MAOB: variants seen among roughly 807,000 people sequenced by gnomAD.
MAOB encodes the protein monoamine oxidase B, also known as amine oxidase [flavin-containing] B.
Under a neutral mutation model 41.9 loss-of-function variants are expected in MAOB, and 15 were observed. The ratio of observed to expected loss-of-function variants is 0.36; its 90% confidence interval spans 0.24 to 0.55. MAOB has a LOEUF of 0.55. MAOB is among the 20% of genes least tolerant of loss of function. MAOB has a pLI of 0.86. For synonymous variants in MAOB, 167 were observed against 144.2 expected, an observed-to-expected ratio of 1.16 and a Z score of -1.13; for missense variants, 345 against 398.7, an observed-to-expected ratio of 0.87 and a Z score of 1.15.
chrX:43,808,872 T>C (rs2034706264), intron 3 of MAOB, among the ~76,000 whole-genome samples: 1 of 110,117 alleles, frequency 9.1e-6, no homozygotes. Context: ...GCCTGGCTAA[T>C]TTTTGTATTT....
At chrX:43,793,360 C>T in intron 8 of MAOB, 59 bp downstream of exon 8, 1 of 967,391 alleles carries the variant, frequency 1.0e-6, no homozygotes. Context: ...AAATGCATGC[C>T]TTAGCAACAA....
intron 3 of MAOB, among the ~76,000 whole-genome samples, chrX:43,818,160 A>G (rs960157557): frequency 2.7e-5 from 3 of 112,487 alleles, no homozygotes; most frequent in African/African-American, 9.7e-5. Flanking sequence ...CACTTAGCAT[A>G]TCTTCAACGT....
intron 12 of MAOB, among the ~76,000 whole-genome samples, chrX:43,770,648 T>C (rs1247782658): frequency 1.8e-5 from 2 of 111,870 alleles, no homozygotes; most frequent in African/African-American, 6.5e-5. Flanking sequence ...TATCTCATTT[T>C]TACATATGAG....
chrX:43,863,560 T>C (rs2035347108), intron 1 of MAOB, among the ~76,000 whole-genome samples: 1 of 111,717 alleles, frequency 9.0e-6, no homozygotes. Flanking sequence ...AATGAACTTA[T>C]AAAAATAATT....
rs780219504 is a variant in MAOB, at chrX:43,795,904, G to A, written c.619-16C>T. The A allele has an allele frequency of 5.0e-6, 6 of 1,197,278 alleles. No homozygotes were observed. The African/African-American group carries it at 1.1e-4, about 21-fold the overall frequency. On this transcript the variant is annotated splice_polypyrimidine_tract_variant and intron_variant, in intron 6 of 14. Transcript: ENST00000378069. ...ATTTCCTCTCCTGGAAAGAGAAAAGGAGGTGAAAGAGAAACGCAGGAATGG... is the reference window on the plus strand; with the variant it reads ...ATTTCCTCTCCTGGAAAGAGAAAAGAAGGTGAAAGAGAAACGCAGGAATGG...
intron 1 of MAOB, among the ~76,000 whole-genome samples, chrX:43,863,161 C>T (rs932259007): frequency 9.0e-6 from 1 of 111,537 alleles, no homozygotes; most frequent in African/African-American, 3.3e-5. Context: ...GAATTATTAC[C>T]TTATGAGTCA....
chrX:43,843,865 C>T (rs2035170202), intron 1 of MAOB, 101 bp from the exon 2 acceptor site: 1 of 1,096,364 alleles, frequency 9.1e-7, no homozygotes, highest in Admixed American at 3.0e-5. Flanking sequence ...GGCTCACGTG[C>T]ACCGCCTATT....
intron 12 of MAOB, among the ~76,000 whole-genome samples, chrX:43,769,902 C>G (rs760727379): frequency 3.2e-4 from 36 of 111,814 alleles, no homozygotes; most frequent in Non-Finnish European, 4.5e-4. Context: ...TAACATTTAA[C>G]AAATCTGAGA....
intron 3 of MAOB, among the ~76,000 whole-genome samples, chrX:43,819,371 G>A (rs926347480): frequency 1.8e-5 from 2 of 111,368 alleles, no homozygotes; most frequent in Admixed American, 9.5e-5. Context: ...CATGAGGATA[G>A]AAAGGCCTGG....
At chrX:43,785,392 T>G (rs1481924487) in intron 8 of MAOB, among the ~76,000 whole-genome samples, 1 of 112,524 alleles carries the variant, frequency 8.9e-6, no homozygotes, top group East Asian at 2.8e-4. Context: ...GCTCTGGATC[T>G]AGGCTTTGGC....
chrX:43,852,290 G>T (rs1160908494), intron 1 of MAOB, among the ~76,000 whole-genome samples: 1 of 111,989 alleles, frequency 8.9e-6, no homozygotes, highest in Non-Finnish European at 1.9e-5. Flanking sequence ...CTTAAAATTT[G>T]GGTGTCACCA....
intron 3 of MAOB, among the ~76,000 whole-genome samples, chrX:43,808,265 A>C (rs2034693794): frequency 8.9e-6 from 1 of 112,355 alleles, no homozygotes; most frequent in Non-Finnish European, 1.9e-5. Context: ...TTTTTGCTTG[A>C]AAATCCATTA....
chrX:43,864,899 G>A (rs2035355477), intron 1 of MAOB, among the ~76,000 whole-genome samples: 1 of 111,690 alleles, frequency 9.0e-6, no homozygotes, highest in Non-Finnish European at 1.9e-5. Flanking sequence ...CCTCTATCCA[G>A]GAGGCAGCAC....
chrX:43,808,633 C>CATCTATATCTAT (rs4071606), intron 3 of MAOB, among the ~76,000 whole-genome samples: 4,320 of 89,116 alleles, frequency 0.048, 132 homozygotes, highest in East Asian at 0.058. Context: ...GCATCCTGCA[C>CATCTATATCTAT]ATCTATATCT....
intron 11 of MAOB, among the ~76,000 whole-genome samples, chrX:43,778,230 G>C (rs2034284569): frequency 9.0e-6 from 1 of 110,892 alleles, no homozygotes; most frequent in African/African-American, 3.3e-5. Flanking sequence ...AGTGGGGGAT[G>C]GGGTAGGTAT....
intron 12 of MAOB, among the ~76,000 whole-genome samples, chrX:43,774,324 G>C (rs2034225050): frequency 9.0e-6 from 1 of 111,702 alleles, no homozygotes; most frequent in African/African-American, 3.3e-5. Context: ...CAACACACTT[G>C]GATGTATAAT....
intron 2 of MAOB, among the ~76,000 whole-genome samples, chrX:43,840,518 A>G (rs1175699466): frequency 9.1e-6 from 1 of 110,135 alleles, no homozygotes; most frequent in Non-Finnish European, 1.9e-5. Context: ...GAATAGGAAC[A>G]GCTCCAGTCT....
In MAOB at chrX:43,866,221, A is replaced by G. The variant is rs141896463; in HGVS notation, c.46+16033T>C. On this transcript the variant is annotated intron_variant, in intron 1 of 14. Coordinates refer to ENST00000378069, the MANE Select transcript of MAOB (RefSeq NM_000898.5). ...TTCCAGGAGAAACGTGTGAAAGGAAATACACCAGGCTGTTAACACAGGTCA... is the reference window on the plus strand; with the variant it reads ...TTCCAGGAGAAACGTGTGAAAGGAAGTACACCAGGCTGTTAACACAGGTCA... Among the ~76,000 whole-genome samples the G allele has an allele frequency of 2.9e-3, 325 of 111,663 alleles. 1 individual carries two copies. The highest frequency in any genetic ancestry group is 9.8e-3 in the African/African-American group (301 of 30,711).
intron 1 of MAOB, among the ~76,000 whole-genome samples, chrX:43,868,855 T>TTGTGTGTGTG (rs113529000): frequency 1.2e-4 from 12 of 103,790 alleles, no homozygotes; most frequent in African/African-American, 4.2e-4. Context: ...ACATCAATTC[T>TTGTGTGTGTG]TGTGTGTGTG....
Sources: allele counts gnomAD v4.1 joint callset (sites outside exome capture counted in the v4.1 genomes callset), GRCh38; gene constraint gnomAD v4.1.1; transcripts MANE v1.5; gene names NCBI Gene and HGNC (gene_info 2026-07-23, HGNC 2026-07-21).